MYO16: variants seen among roughly 807,000 people sequenced by gnomAD.
The protein encoded by MYO16 is unconventional myosin-XVI.
In MYO16, 94 loss-of-function variants were observed where a neutral mutation model predicts 205.3. That is an observed-to-expected ratio of 0.46 (90% CI 0.39 to 0.54). The LOEUF (loss-of-function observed/expected upper bound fraction) is 0.54. Among genes scored for constraint, MYO16 ranks in the 20% least tolerant of loss-of-function variants. MYO16 has a pLI of 0.00. For missense variants in MYO16, 2,315 were observed against 2,387.5 expected (o/e 0.97, Z 0.63); for synonymous variants, 988 against 954.0 (o/e 1.04, Z -0.66).
At chr13:108,557,240 A>G in the MYO16 span, among the ~76,000 whole-genome samples, 1 of 152,232 alleles carries the variant, frequency 6.6e-6, no homozygotes, top group Non-Finnish European at 1.5e-5. Flanking sequence ...ACTTAACAAT[A>G]TTAATTTTTC....
chr13:108,841,688 T>TA (rs1403509648), intron 9 of MYO16, among the ~76,000 whole-genome samples: 1 of 152,080 alleles, frequency 6.6e-6, no homozygotes, highest in African/African-American at 2.4e-5. Flanking sequence ...GAAACCAATA[T>TA]AAATAGTCAA....
the MYO16 span, among the ~76,000 whole-genome samples, chr13:108,571,728 T>C: frequency 6.6e-6 from 1 of 150,926 alleles, no homozygotes; most frequent in Admixed American, 6.6e-5. Flanking sequence ...TGTGTCTGAA[T>C]AGTTCAAAAC....
chr13:109,104,270 A>G (rs1475342542), intron 28 of MYO16, among the ~76,000 whole-genome samples: 1 of 152,212 alleles, frequency 6.6e-6, no homozygotes, highest in Non-Finnish European at 1.5e-5. Context: ...TAGATTATGC[A>G]TCACAGTACA....
intron 2 of MYO16, among the ~76,000 whole-genome samples, chr13:108,701,410 G>A (rs981078673): frequency 4.6e-5 from 7 of 152,020 alleles, no homozygotes; most frequent in African/African-American, 1.7e-4. Flanking sequence ...TGTTATCGTG[G>A]GAGTGGCCCC....
At chr13:108,756,459 T>G (rs2139647649) in intron 4 of MYO16, among the ~76,000 whole-genome samples, 1 of 152,262 alleles carries the variant, frequency 6.6e-6, no homozygotes, top group South Asian at 2.1e-4. Flanking sequence ...TTTCTGTGAT[T>G]TACTCTGTTC....
intron 6 of MYO16, among the ~76,000 whole-genome samples, chr13:108,800,069 T>C (rs1363965295): frequency 6.6e-6 from 1 of 152,158 alleles, no homozygotes; most frequent in Non-Finnish European, 1.5e-5. Flanking sequence ...GGTGATGCGC[T>C]CTTCCAAATG....
intron 7 of MYO16, among the ~76,000 whole-genome samples, chr13:108,814,900 T>A (rs1352663431): frequency 6.6e-6 from 1 of 151,966 alleles, no homozygotes; most frequent in Non-Finnish European, 1.5e-5. Flanking sequence ...CACCGCAGAT[T>A]GAAGAAACCA....
the MYO16 span, among the ~76,000 whole-genome samples, chr13:108,500,320 C>T: frequency 1.4e-5 from 2 of 141,712 alleles, no homozygotes; most frequent in African/African-American, 5.2e-5. Context: ...ACCTCTGCCT[C>T]CCGGGTTCAA....
At chr13:108,585,640 T>C in the MYO16 span, among the ~76,000 whole-genome samples, 2 of 152,204 alleles carry the variant, frequency 1.3e-5, no homozygotes, top group African/African-American at 4.8e-5. Flanking sequence ...GCAGGGCAAT[T>C]TCAAGATATG....
At chr13:109,170,540 TA>T (rs372965328) in intron 33 of MYO16, among the ~76,000 whole-genome samples, 1,992 of 147,240 alleles carry the variant, frequency 0.014, 45 homozygotes, top group African/African-American at 0.045. Flanking sequence ...TTCTGCAATT[TA>T]AAAAAAAAAG....
intron 1 of MYO16, among the ~76,000 whole-genome samples, chr13:108,623,871 A>G (rs1879630028): frequency 6.6e-6 from 1 of 152,180 alleles, no homozygotes; most frequent in Admixed American, 6.5e-5. Flanking sequence ...ATTGCATTAT[A>G]AATGCTGGAT....
intron 27 of MYO16, among the ~76,000 whole-genome samples, chr13:109,069,433 A>G (rs1267283393): frequency 6.6e-6 from 1 of 152,176 alleles, no homozygotes; most frequent in African/African-American, 2.4e-5. Context: ...TGAGCTGTCA[A>G]TCATTGTATT....
chr13:109,175,221 C>T (rs1879113315), intron 33 of MYO16, among the ~76,000 whole-genome samples: 2 of 152,206 alleles, frequency 1.3e-5, no homozygotes, highest in South Asian at 2.1e-4. Flanking sequence ...AGCCATTCCT[C>T]TTTGTGTCCT....
chr13:108,938,500 C>T (rs528164755), intron 16 of MYO16, among the ~76,000 whole-genome samples: 39 of 152,306 alleles, frequency 2.6e-4, no homozygotes, highest in East Asian at 1.2e-3. Context: ...GGCCACCAAG[C>T]GCTCAGTGCC....
intron 10 of MYO16, among the ~76,000 whole-genome samples, chr13:108,852,847 G>C (rs1877956276): frequency 6.6e-6 from 1 of 152,280 alleles, no homozygotes; most frequent in African/African-American, 2.4e-5. Context: ...TCATCACATA[G>C]AGAATGAAAA....
Position 108,893,778 on chromosome 13 carries a change from A to G in MYO16, c.1660-4238A>G, listed in dbSNP as rs573545760. The stretch of plus-strand genomic sequence containing the variant: ...GCGGGATCAGGTGTGTAGCAAGCAC[A>G]CAAACTGTACATTCCACTGAGAGAG... On this transcript the variant is annotated intron_variant, in intron 14 of 34. Coordinates refer to ENST00000457511, the MANE Select transcript of MYO16 (RefSeq NM_001198950.3). Among the ~76,000 whole-genome samples, 3 of 152,314 alleles carry G rather than the reference A, an allele frequency of 2.0e-5. No individual in the cohort carries two copies. The South Asian group carries it at 6.2e-4, about 32-fold the overall frequency.
chr13:108,533,383 G>A, the MYO16 span, among the ~76,000 whole-genome samples: 1 of 152,160 alleles, frequency 6.6e-6, no homozygotes. Context: ...ATAATCTAGG[G>A]GTGGGAGTTG....
chr13:109,138,449 G>A (rs1322065800), intron 31 of MYO16, among the ~76,000 whole-genome samples: 1 of 152,018 alleles, frequency 6.6e-6, no homozygotes, highest in Non-Finnish European at 1.5e-5. Context: ...TACAGTAAAA[G>A]CATTAGAAAA....
At chr13:108,803,294 T>C (rs773487847) in intron 6 of MYO16, among the ~76,000 whole-genome samples, 9 of 152,238 alleles carry the variant, frequency 5.9e-5, no homozygotes, top group Non-Finnish European at 1.3e-4. Flanking sequence ...ATGATAGTGC[T>C]ACTTATTTTA....
Sources: allele counts gnomAD v4.1 joint callset (sites outside exome capture counted in the v4.1 genomes callset), GRCh38; gene constraint gnomAD v4.1.1; transcripts MANE v1.5; gene names NCBI Gene and HGNC (gene_info 2026-07-23, HGNC 2026-07-21).